TMPRSS15: variants seen among roughly 807,000 people sequenced by gnomAD.
The protein encoded by TMPRSS15 is transmembrane serine protease 15, also known as enteropeptidase.
In TMPRSS15, 128 loss-of-function variants were observed where a neutral mutation model predicts 125.3. The ratio of observed to expected loss-of-function variants is 1.02; its 90% CI spans 0.89 to 1.18. The LOEUF is 1.18. TMPRSS15 is among the 50% of genes most tolerant of loss of function. TMPRSS15 has a pLI of 0.00. For missense variants in TMPRSS15, 1,283 were observed against 1,212.7 expected (o/e 1.06, Z -0.86); for synonymous variants, 446 against 423.2 (o/e 1.05, Z -0.66).
rs114999922 is a variant in TMPRSS15, at chr21:18,428,982, A to G, written c.11-30653T>C. ...CAACTCATGAAAGCAGCTGGGAGGG[A>G]GGCTCTACCCTGCAAAGCCACAGGA... On this transcript the variant is annotated intron_variant, in intron 1 of 7. Transcript: ENST00000422787. Among the ~76,000 whole-genome samples the G allele has an allele frequency of 5.1e-3, 777 of 152,272 alleles. 8 individuals are homozygous for G. The highest frequency in any genetic ancestry group is 0.018 in the African/African-American group (744 of 41,556).
intron 10 of TMPRSS15, among the ~76,000 whole-genome samples, chr21:18,349,741 C>T (rs1230467182): frequency 2.6e-5 from 4 of 152,122 alleles, no homozygotes; most frequent in African/African-American, 9.7e-5. Context: ...TAAAAAACTC[C>T]TGCTACTACG....
At chr21:18,270,156 A>G in intron 24 of TMPRSS15, 32 bp from the exon 25 acceptor site, 1 of 1,590,592 alleles carries the variant, frequency 6.3e-7, no homozygotes, top group Non-Finnish European at 8.6e-7. Flanking sequence ...AAAATTGTAG[A>G]TATGTGGTCA....
intron 13 of TMPRSS15, among the ~76,000 whole-genome samples, chr21:18,338,453 T>C (rs1025691730): frequency 6.6e-6 from 1 of 152,172 alleles, no homozygotes; most frequent in Admixed American, 6.5e-5. Flanking sequence ...ATGATTTTAA[T>C]GATGCTGAAT....
intron 1 of TMPRSS15, among the ~76,000 whole-genome samples, chr21:18,483,513 A>G (rs990745909): frequency 2.6e-5 from 4 of 151,836 alleles, no homozygotes; most frequent in African/African-American, 9.7e-5. Flanking sequence ...TTTGTAGTTT[A>G]CATAGCGTAA....
At chr21:18,433,380 G>A (rs1276043222) in intron 1 of TMPRSS15, among the ~76,000 whole-genome samples, 1 of 152,042 alleles carries the variant, frequency 6.6e-6, no homozygotes, top group African/African-American at 2.4e-5. Flanking sequence ...TGGAACTTCT[G>A]CCTCATTTAT....
At chr21:18,422,360 T>A (rs1281425574) in intron 1 of TMPRSS15, among the ~76,000 whole-genome samples, 1 of 151,710 alleles carries the variant, frequency 6.6e-6, no homozygotes, top group Non-Finnish European at 1.5e-5. Context: ...TTTACCTTCT[T>A]ATGTTTATTT....
chr21:18,270,410 G>A (rs1005906400), intron 24 of TMPRSS15, among the ~76,000 whole-genome samples: 6 of 152,046 alleles, frequency 3.9e-5, no homozygotes, highest in African/African-American at 1.2e-4. Context: ...CTACTAAGAA[G>A]TTCTTTAAAG....
rs1432786026 is a variant in TMPRSS15, at chr21:18,471,475, TG to T, written c.10+14323del. On this transcript the variant is annotated intron_variant, in intron 1 of 7. Coordinates refer to the TMPRSS15 transcript ENST00000422787. Reference sequence around the variant, plus strand: ...TGCTGTCTTCTTAATCTTTCAGTTTTGAAAAAAAAAAACAGCATAATATGGT... The same window carrying T: ...TGCTGTCTTCTTAATCTTTCAGTTTTAAAAAAAAAAACAGCATAATATGGT... 1.0e-4 allele frequency among the ~76,000 whole-genome samples: 10 copies of T among 95,930 alleles called. No homozygotes were observed. The East Asian group carries it at 7.8e-3, about 75-fold the overall frequency. The allele number at this position is 95,930 out of a possible 152,430, so 62.9% of individuals were successfully genotyped here. A position where few individuals can be genotyped will look rare whatever the true frequency, so the allele number is the denominator to read the frequency against.
chr21:18,394,966 G>C (rs1347346498), intron 3 of TMPRSS15, among the ~76,000 whole-genome samples: 1 of 152,080 alleles, frequency 6.6e-6, no homozygotes, highest in African/African-American at 2.4e-5. Context: ...AAAAATAAGA[G>C]AATAAAAAGA....
intron 1 of TMPRSS15, among the ~76,000 whole-genome samples, chr21:18,470,637 CAG>C (rs1171821020): frequency 2.6e-5 from 4 of 152,032 alleles, no homozygotes; most frequent in Non-Finnish European, 5.9e-5. Flanking sequence ...TTGAGTTGCA[CAG>C]ACTCTTTATT....
rs146494364 is a variant in TMPRSS15, at chr21:18,269,995, C to T, written c.3034G>A (p.Glu1012Lys). 7.1e-5 allele frequency: 115 copies of T among 1,613,686 alleles called. No individual in the cohort carries two copies. Among genetic ancestry groups the T allele is most frequent in the Non-Finnish European group, 9.1e-5 (107 of 1,179,818 alleles). Residue 1012 changes from glutamate (E) to lysine (K), a missense_variant, in exon 25 of 25, where the codon GAA becomes AAA. Glu to Lys is a moderately conservative substitution (Grantham distance 56). Transcript: ENST00000284885. ...TAATGTAGAAAACTTTGTATCCATT[C>T]GGTAAACCTTGAGACCCTGGCATAC... ...GVYARVSRFT[E>K]WIQSFLH
In TMPRSS15 at chr21:18,281,154, G is replaced by A. The variant is rs765071885; in HGVS notation, c.2554C>T (p.Pro852Ser). The A allele has an allele frequency of 1.5e-5, 24 of 1,614,024 alleles. No homozygotes were observed. In the South Asian group the frequency reaches 1.5e-4, roughly 10 times the overall value. Residue 852 changes from proline (P) to serine (S), a missense_variant, in exon 22 of 25, where the codon CCT becomes TCT. Coordinates refer to ENST00000284885, the MANE Select transcript of TMPRSS15 (RefSeq NM_002772.3). The stretch of plus-strand genomic sequence containing the variant: ...TCTATTAATCGAGGGACTGTTTGAG[G>A]AGAGGTCAGATTTGATTTCATATGC... ...GLHMKSNLTS[P>S]QTVPRLIDEI...
At chr21:18,372,649 C>G (rs1488683503) in intron 5 of TMPRSS15, among the ~76,000 whole-genome samples, 1 of 152,136 alleles carries the variant, frequency 6.6e-6, no homozygotes, top group Non-Finnish European at 1.5e-5. Flanking sequence ...CAACCAAAGT[C>G]ATTTTAAAGT....
At chr21:18,278,349 G>GA (rs2074645776) in intron 23 of TMPRSS15, among the ~76,000 whole-genome samples, 1 of 150,558 alleles carries the variant, frequency 6.6e-6, no homozygotes, top group Non-Finnish European at 1.5e-5. Context: ...TTGAGGTTGG[G>GA]GACACTTGAA....
At chr21:18,414,572 T>C (rs918673979) in intron 1 of TMPRSS15, among the ~76,000 whole-genome samples, 5 of 152,226 alleles carry the variant, frequency 3.3e-5, no homozygotes, top group East Asian at 1.9e-4. Context: ...AGTTTGACTA[T>C]TGTAGATACC....
chr21:18,480,527 G>A (rs546015943), intron 1 of TMPRSS15, among the ~76,000 whole-genome samples: 3 of 151,766 alleles, frequency 2.0e-5, no homozygotes, highest in Admixed American at 6.6e-5. Context: ...TACCAAAACC[G>A]GCAAGTTTAG....
At chr21:18,437,055 T>C (rs8131178) in intron 1 of TMPRSS15, among the ~76,000 whole-genome samples, 7,305 of 135,254 alleles carry the variant, frequency 0.054, 236 homozygotes, top group African/African-American at 0.097. Context: ...GAAGGCATCA[T>C]GCTACCTGAC....
At chr21:18,305,458 G>T (rs879908026) in intron 18 of TMPRSS15, among the ~76,000 whole-genome samples, 16 of 152,132 alleles carry the variant, frequency 1.1e-4, no homozygotes, top group Non-Finnish European at 1.9e-4. Context: ...AAAGTGCTGG[G>T]ATTACAGGCG....
At chr21:18,402,143 C>G (rs2076100665) in intron 1 of TMPRSS15, among the ~76,000 whole-genome samples, 1 of 152,204 alleles carries the variant, frequency 6.6e-6, no homozygotes. Flanking sequence ...TTTAATAAAA[C>G]TATGGCATGT....
Sources: allele counts gnomAD v4.1 joint callset (sites outside exome capture counted in the v4.1 genomes callset), GRCh38; gene constraint gnomAD v4.1.1; transcripts MANE v1.5; gene names NCBI Gene and HGNC (gene_info 2026-07-23, HGNC 2026-07-21).